The following BLM variants were observed in gnomAD, a reference collection of about 807,000 sequenced individuals.
BLM encodes BLM RecQ like helicase.
A neutral mutation model predicts 135.3 loss-of-function variants in BLM; 95 were observed. The ratio of observed to expected loss-of-function variants is 0.70; its 90% confidence interval spans 0.59 to 0.83. The LOEUF (loss-of-function observed/expected upper bound fraction) is 0.83. Among genes scored for constraint, BLM ranks in the 40% least tolerant of loss-of-function variants. BLM has a pLI of 0.00. For synonymous variants in BLM, 520 were observed against 589.2 expected (o/e 0.88, Z 1.70); for missense variants, 1,518 against 1,663.9 (o/e 0.91, Z 1.53).
intron 1 of BLM, among the ~76,000 whole-genome samples, chr15:90,726,029 C>T (rs1456094505): frequency 1.3e-5 from 2 of 151,956 alleles, no homozygotes; most frequent in Non-Finnish European, 2.9e-5. Flanking sequence ...CATAATTGTA[C>T]CCCAACAATT....
intron 13 of BLM, 88 bp downstream of exon 13, chr15:90,783,016 T>G (rs1596250585): frequency 1.9e-6 from 2 of 1,065,050 alleles, no homozygotes; most frequent in African/African-American, 3.2e-5. Flanking sequence ...ATATTAAACA[T>G]TCCTTTTTGC....
chr15:90,761,403 T>C (rs1167383939), intron 7 of BLM, 148 bp downstream of exon 7: 3 of 660,668 alleles, frequency 4.5e-6, no homozygotes, highest in Non-Finnish European at 6.8e-6. Flanking sequence ...CAAATCACAA[T>C]TTCAAAAGCA....
intron 16 of BLM, among the ~76,000 whole-genome samples, chr15:90,796,041 G>A (rs1897021410): frequency 1.3e-5 from 2 of 152,188 alleles, no homozygotes; most frequent in South Asian, 4.2e-4. Flanking sequence ...GAGCCCATGT[G>A]GCTGAGCAGG....
intron 12 of BLM, among the ~76,000 whole-genome samples, chr15:90,769,790 A>G (rs1372047531): frequency 3.3e-5 from 5 of 151,946 alleles, no homozygotes. Flanking sequence ...AGTGATTACA[A>G]TGTGCAGCAG....
chr15:90,786,833 G>A (rs182743074), intron 14 of BLM, among the ~76,000 whole-genome samples: 202 of 151,748 alleles, frequency 1.3e-3, no homozygotes, highest in East Asian at 3.3e-3. Context: ...CAGGCTGGTC[G>A]TGAACTCCTG....
chr15:90,770,755 C>G (rs1007665020), intron 12 of BLM, among the ~76,000 whole-genome samples: 5 of 152,090 alleles, frequency 3.3e-5, no homozygotes. Context: ...TAAAGACAAG[C>G]TGGTGCTATA....
At chr15:90,748,788 C>T (rs1297181562) in intron 2 of BLM, among the ~76,000 whole-genome samples, 1 of 149,186 alleles carries the variant, frequency 6.7e-6, no homozygotes, top group African/African-American at 2.5e-5. Context: ...GAGACAGTCT[C>T]GCTCTGTCAC....
At chr15:90,809,773 C>T (rs930720957) in intron 20 of BLM, among the ~76,000 whole-genome samples, 7 of 152,164 alleles carry the variant, frequency 4.6e-5, no homozygotes, top group Non-Finnish European at 7.4e-5. Flanking sequence ...CATTATCAGA[C>T]GTTCCCGGAG....
chr15:90,761,468 C>G (rs974128733), intron 7 of BLM, among the ~76,000 whole-genome samples: 2 of 152,098 alleles, frequency 1.3e-5, no homozygotes, highest in African/African-American at 2.4e-5. Flanking sequence ...GTAATTATAA[C>G]CTATTGTAGT....
intron 16 of BLM, among the ~76,000 whole-genome samples, chr15:90,795,356 T>C (rs1897004520): frequency 6.6e-6 from 1 of 152,138 alleles, no homozygotes; most frequent in African/African-American, 2.4e-5. Flanking sequence ...GGCCCATGCC[T>C]GTAATCCCAG....
chr15:90,735,676 T>G (rs528814127), intron 1 of BLM, among the ~76,000 whole-genome samples: 42 of 152,114 alleles, frequency 2.8e-4, no homozygotes, highest in African/African-American at 9.9e-4. Context: ...AGGAATAAAC[T>G]CCAAATGAAC....
chr15:90,785,944 A>G (rs981274179), intron 14 of BLM, among the ~76,000 whole-genome samples: 1 of 149,596 alleles, frequency 6.7e-6, no homozygotes, highest in Non-Finnish European at 1.5e-5. Context: ...GATATAACAC[A>G]GTTTGTTTAT....
intron 1 of BLM, among the ~76,000 whole-genome samples, chr15:90,726,341 T>C (rs1894914307): frequency 6.6e-6 from 1 of 152,220 alleles, no homozygotes; most frequent in Non-Finnish European, 1.5e-5. Flanking sequence ...CAATCTTGGC[T>C]CACTGCAACC....
chr15:90,728,054 T>C (rs1279429743), intron 1 of BLM, among the ~76,000 whole-genome samples: 1 of 152,202 alleles, frequency 6.6e-6, no homozygotes, highest in African/African-American at 2.4e-5. Flanking sequence ...TTTTCTTTTT[T>C]TGAGACAGGG....
intron 15 of BLM, 33 bp downstream of exon 15, chr15:90,790,877 C>A: frequency 1.3e-6 from 2 of 1,582,156 alleles, no homozygotes; most frequent in South Asian, 2.2e-5. Flanking sequence ...GACATTCTGT[C>A]ATCTTCAGCC....
chr15:90,792,040 A>G (rs972383206), intron 15 of BLM, among the ~76,000 whole-genome samples: 5 of 151,648 alleles, frequency 3.3e-5, no homozygotes, highest in Admixed American at 3.3e-4. Context: ...GGGTTGTGAG[A>G]GTTAAATATA....
At chr15:90,729,810 T>G (rs1484081401) in intron 1 of BLM, among the ~76,000 whole-genome samples, 1 of 152,196 alleles carries the variant, frequency 6.6e-6, no homozygotes, top group African/African-American at 2.4e-5. Context: ...GGTCACATTA[T>G]TTTGCCTCCT....
chr15:90,792,083 C>CTTTTTTTTTTTTTTTTTTTTT (rs35083164), intron 15 of BLM, among the ~76,000 whole-genome samples: 1 of 143,296 alleles, frequency 7.0e-6, no homozygotes. Context: ...TCTGAGACCA[C>CTTTTTTTTTTTTTTTTTTTTT]TTTTTTTTTT....
rs1265964518 is a variant in BLM, at chr15:90,769,487, A to G, written c.2456A>G (p.Gln819Arg). 7 of 1,614,048 alleles carry G rather than the reference A, an allele frequency of 4.3e-6. No homozygotes were observed. Among genetic ancestry groups the G allele is most frequent in the Non-Finnish European group, 5.9e-6 (7 of 1,180,016 alleles). The change falls in exon 12 of 22, where the codon CAG (glutamine) becomes CGG (arginine). Residue 819 changes from glutamine to arginine, a missense_variant. Transcript: ENST00000355112. ...QDYKRMNMLRQKFPSVPVMAL... is the reference protein window; with the variant it reads ...QDYKRMNMLRRKFPSVPVMAL... ...TACAAAAGAATGAATATGCTTCGCC[A>G]GAAGTTTCCTTCTGTTCCGGTGATG...
Sources: gnomAD v4.1 joint callset for allele counts (sites outside exome capture counted in the v4.1 genomes callset) on GRCh38, gnomAD v4.1.1 for gene constraint, MANE v1.5 for transcripts, NCBI Gene and HGNC (gene_info 2026-07-23, HGNC 2026-07-21) for gene names.